The following PLCZ1 variants were observed in gnomAD, a reference collection of about 807,000 sequenced individuals.
PLCZ1 encodes the protein 1-phosphatidylinositol 4,5-bisphosphate phosphodiesterase zeta-1.
PLCZ1 carries 64 observed loss-of-function variants against 76.8 expected under a neutral mutation model. The ratio of observed to expected loss-of-function variants is 0.83; its 90% CI spans 0.68 to 1.03. PLCZ1 has a LOEUF of 1.03. Among genes scored for constraint, PLCZ1 ranks in the 50% least tolerant of loss-of-function variants. PLCZ1 has a pLI of 0.00. For missense variants in PLCZ1, 751 were observed against 713.7 expected, an observed-to-expected ratio of 1.05 and a Z score of -0.60; for synonymous variants, 248 against 230.8, an observed-to-expected ratio of 1.07 and a Z score of -0.68.
intron 3 of PLCZ1, among the ~76,000 whole-genome samples, chr12:18,733,247 G>A (rs1441449437): frequency 6.6e-6 from 1 of 152,144 alleles, no homozygotes. Context: ...CATTTGTATA[G>A]CTTCTTTAGG....
the PLCZ1 span, among the ~76,000 whole-genome samples, chr12:18,664,535 G>A: frequency 6.6e-6 from 1 of 152,084 alleles, no homozygotes; most frequent in Non-Finnish European, 1.5e-5. Context: ...GATAAAGTAT[G>A]ATTCTATTTA....
chr12:18,721,220 A>T (rs1409310535), intron 4 of PLCZ1, among the ~76,000 whole-genome samples: 2 of 152,102 alleles, frequency 1.3e-5, no homozygotes, highest in Non-Finnish European at 2.9e-5. Context: ...TCCCTTAAAA[A>T]CTACCAGTTT....
At chr12:18,655,026 C>T in the PLCZ1 span, among the ~76,000 whole-genome samples, 2 of 147,930 alleles carry the variant, frequency 1.4e-5, no homozygotes, top group Non-Finnish European at 3.0e-5. Context: ...CCAGCCGAAA[C>T]AGTCTTAAAA....
At chr12:18,676,229 C>T in the PLCZ1 span, among the ~76,000 whole-genome samples, 1 of 152,082 alleles carries the variant, frequency 6.6e-6, no homozygotes, top group Non-Finnish European at 1.5e-5. Flanking sequence ...GTTGTTTGAC[C>T]TTTAGGTCAA....
chr12:18,715,615 T>C (rs1319662095), intron 5 of PLCZ1: 1 of 152,146 alleles, frequency 6.6e-6, no homozygotes, highest in African/African-American at 2.4e-5. Context: ...TTAGCCAGGA[T>C]GGGGTTTTTA....
At chr12:18,731,618 C>T (rs984731842) in intron 3 of PLCZ1, among the ~76,000 whole-genome samples, 2 of 142,378 alleles carry the variant, frequency 1.4e-5, no homozygotes, top group African/African-American at 5.2e-5. Flanking sequence ...TGGTAGCTTG[C>T]AGGGAGGGTA....
chr12:18,736,583 A>AAATTTGAG (rs71279124), intron 2 of PLCZ1: 811,626 of 1,238,812 alleles, frequency 0.66, 276,616 homozygotes, highest in Non-Finnish European at 0.69. Context: ...ATTAAAGTTA[A>AAATTTGAG]AATTTGAGAA....
intron 9 of PLCZ1, among the ~76,000 whole-genome samples, chr12:18,701,257 T>C (rs1274689269): frequency 6.6e-6 from 1 of 152,090 alleles, no homozygotes; most frequent in Non-Finnish European, 1.5e-5. Flanking sequence ...AGTGCTGGGA[T>C]TACAGGCATG....
chr12:18,698,115 G>T (rs1016649253), intron 10 of PLCZ1, among the ~76,000 whole-genome samples: 1 of 151,540 alleles, frequency 6.6e-6, no homozygotes, highest in Non-Finnish European at 1.5e-5. Context: ...GACCAGTAAA[G>T]CATGTCATTC....
chr12:18,692,889 A>G, intron 12 of PLCZ1: 1 of 1,602,528 alleles, frequency 6.2e-7, no homozygotes, highest in Non-Finnish European at 8.5e-7. Flanking sequence ...GAAAAAGAAG[A>G]AGAAAACAAA....
intron 9 of PLCZ1, among the ~76,000 whole-genome samples, chr12:18,701,133 C>G (rs1955850971): frequency 1.3e-5 from 2 of 152,000 alleles, no homozygotes; most frequent in South Asian, 4.2e-4. Flanking sequence ...TACAGGCATG[C>G]GTCACCATGC....
rs1220012411 is a variant in PLCZ1 at position 18,736,307 on chromosome 12, C to T, written c.49G>A (p.Gly17Arg). 6.2e-7 allele frequency: 1 copy of T among 1,612,514 alleles called. No individual in the cohort carries two copies. Among genetic ancestry groups the T allele is most frequent in the East Asian group, 2.2e-5 (1 of 44,718 alleles). ...LSKIQDDFRG[G>R]KINLEKTQRL... The stretch of plus-strand genomic sequence containing the variant: ...TGAGTTTTTTCTAGGTTAATTTTTC[C>T]ACCTCTGAAGTCATCCTGAATCTTT... Residue 17 changes from glycine (G) to arginine (R), a missense_variant, in exon 3 of 15, where the codon GGA becomes AGA. Gly to Arg is a moderately radical substitution (Grantham distance 125). Coordinates refer to ENST00000266505, the MANE Select transcript of PLCZ1 (RefSeq NM_033123.4).
chr12:18,669,178 C>T, the PLCZ1 span, among the ~76,000 whole-genome samples: 2 of 152,154 alleles, frequency 1.3e-5, no homozygotes, highest in Non-Finnish European at 1.5e-5. Context: ...CTAAAGCACA[C>T]ACACAAAAGA....
chr12:18,671,166 G>A, the PLCZ1 span, among the ~76,000 whole-genome samples: 2 of 147,604 alleles, frequency 1.4e-5, no homozygotes, highest in African/African-American at 2.5e-5. Flanking sequence ...TCCAGCCCGG[G>A]TGACAGGGTG....
intron 13 of PLCZ1, 142 bp from the exon 14 acceptor site, chr12:18,684,421 C>A (rs1032956936): frequency 1.4e-6 from 1 of 722,756 alleles, no homozygotes; most frequent in Admixed American, 2.8e-5. Flanking sequence ...TTTTAATATA[C>A]TCAGTGTGAG....
chr12:18,657,575 A>G, the PLCZ1 span, among the ~76,000 whole-genome samples: 1 of 152,184 alleles, frequency 6.6e-6, no homozygotes, highest in Non-Finnish European at 1.5e-5. Flanking sequence ...CTGTAAAATC[A>G]TTAGCTGAAC....
rs1007345324 is a variant in PLCZ1, at chr12:18,699,863, A to G, written c.1105T>C (p.Leu369=). ...EKFKSFQHSR[L]YQQFNENNSI... ...TTATTTTCATTAAATTGCTGATATA[A>G]TCTTGAATGTTGAAAGCTTTTGAAT... The change falls in exon 10 of 15, where the codon TTA becomes CTA. Residue 369 remains leucine, a synonymous_variant. Transcript: ENST00000266505. The G allele has an allele frequency of 1.2e-6, 2 of 1,613,120 alleles. No individual in the cohort carries two copies. Among genetic ancestry groups the G allele is most frequent in the Admixed American group, 1.7e-5 (1 of 59,966 alleles).
the PLCZ1 span, among the ~76,000 whole-genome samples, chr12:18,676,008 T>C: frequency 7.5e-4 from 92 of 122,426 alleles, no homozygotes; most frequent in African/African-American, 2.1e-3. Flanking sequence ...TCTGAATCTA[T>C]TTAAAAAAAA....
intron 7 of PLCZ1, among the ~76,000 whole-genome samples, chr12:18,702,818 C>CTTTTT (rs71064022): frequency 0.031 from 3,627 of 116,500 alleles, 126 homozygotes; most frequent in East Asian, 0.061. Context: ...GATAAAGTAA[C>CTTTTT]TTTTTTTTTT....
Sources: allele counts gnomAD v4.1 joint callset (sites outside exome capture counted in the v4.1 genomes callset), GRCh38; gene constraint gnomAD v4.1.1; transcripts MANE v1.5; gene names NCBI Gene and HGNC (gene_info 2026-07-23, HGNC 2026-07-21).